Variants in SLIT3 observed in about 807,000 individuals in gnomAD.
SLIT3 encodes slit guidance ligand 3, also known as slit homolog 3 protein.
A neutral mutation model predicts 184.0 loss-of-function variants in SLIT3; 68 were observed. The ratio of observed to expected loss-of-function variants is 0.37; its 90% confidence interval spans 0.30 to 0.45. The LOEUF (loss-of-function observed/expected upper bound fraction) is 0.45, where lower values mean the gene tolerates loss of function less well. Among genes scored for constraint, SLIT3 ranks in the 20% least tolerant of loss-of-function variants. SLIT3 has a pLI of 1.00. For missense variants in SLIT3, 1,707 were observed against 2,026.0 expected, an observed-to-expected ratio of 0.84 and a Z score of 3.02; for synonymous variants, 831 against 828.6, an observed-to-expected ratio of 1.00 and a Z score of -0.05.
chr5:169,268,504 TGA>T (rs1766479429), intron 1 of SLIT3, among the ~76,000 whole-genome samples: 1 of 152,196 alleles, frequency 6.6e-6, no homozygotes, highest in African/African-American at 2.4e-5. Flanking sequence ...CCAATTTGAA[TGA>T]GATATAAACT....
At chr5:169,096,271 G>A (rs930887838) in intron 4 of SLIT3, among the ~76,000 whole-genome samples, 3 of 152,176 alleles carry the variant, frequency 2.0e-5, no homozygotes, top group African/African-American at 7.2e-5. Flanking sequence ...ATTGTTTCCA[G>A]CTATTTGAGA....
At chr5:169,212,134 C>G (rs911136609) in intron 3 of SLIT3, among the ~76,000 whole-genome samples, 1 of 152,164 alleles carries the variant, frequency 6.6e-6, no homozygotes, top group Non-Finnish European at 1.5e-5. Context: ...TGGGTATATA[C>G]CCAGTAATGG....
chr5:169,158,810 CAGAAAA>C (rs1762386892), intron 4 of SLIT3, among the ~76,000 whole-genome samples: 1 of 151,992 alleles, frequency 6.6e-6, no homozygotes, highest in South Asian at 2.1e-4. Flanking sequence ...AAATGCTATA[CAGAAAA>C]AGAATCAAAA....
intron 20 of SLIT3, among the ~76,000 whole-genome samples, chr5:168,735,244 T>C (rs1346860160): frequency 6.6e-6 from 1 of 152,208 alleles, no homozygotes; most frequent in African/African-American, 2.4e-5. Context: ...CACAGATCTC[T>C]GTGAATGGGT....
intron 6 of SLIT3, among the ~76,000 whole-genome samples, chr5:168,834,286 G>C (rs1757971297): frequency 6.6e-6 from 1 of 152,092 alleles, no homozygotes. Flanking sequence ...ATCAGGGAAC[G>C]AATTTACACT....
At chr5:168,952,262 T>C (rs1034557034) in intron 4 of SLIT3, among the ~76,000 whole-genome samples, 7 of 152,114 alleles carry the variant, frequency 4.6e-5, no homozygotes, top group African/African-American at 1.4e-4. Flanking sequence ...TGGGCATAAA[T>C]ATATGCAAAG....
intron 4 of SLIT3, among the ~76,000 whole-genome samples, chr5:168,979,096 C>G (rs1184775094): frequency 1.3e-5 from 2 of 152,198 alleles, no homozygotes; most frequent in African/African-American, 2.4e-5. Flanking sequence ...AGGAGACTAT[C>G]CTTCAACCTC....
At chr5:169,292,232 C>A (rs75180766) in intron 1 of SLIT3, among the ~76,000 whole-genome samples, 1 of 152,238 alleles carries the variant, frequency 6.6e-6, no homozygotes, top group Non-Finnish European at 1.5e-5. Flanking sequence ...ATCCCTCAGG[C>A]TGAACTTTTT....
chr5:169,132,820 G>T (rs1168453756), intron 4 of SLIT3, among the ~76,000 whole-genome samples: 1 of 152,002 alleles, frequency 6.6e-6, no homozygotes, highest in Non-Finnish European at 1.5e-5. Context: ...AATCCCTCTG[G>T]ACATTTATTT....
chr5:168,818,356 A>G (rs1314729056), intron 7 of SLIT3, among the ~76,000 whole-genome samples: 1 of 152,198 alleles, frequency 6.6e-6, no homozygotes, highest in Non-Finnish European at 1.5e-5. Context: ...GGGGAATCCC[A>G]TCAAGTTAAG....
chr5:168,772,570 T>TTG (rs538634517), intron 14 of SLIT3: 19,921 of 493,664 alleles, frequency 0.04, 301 homozygotes, highest in African/African-American at 0.094. Context: ...CATGCTTTTA[T>TTG]TGTGTGTGTG....
intron 4 of SLIT3, among the ~76,000 whole-genome samples, chr5:169,040,766 T>G (rs1351549363): frequency 6.6e-6 from 1 of 152,210 alleles, no homozygotes; most frequent in Non-Finnish European, 1.5e-5. Context: ...CAATTATCCC[T>G]TTTCGAAAGG....
At chr5:169,079,746 GAGAA>G (rs1373796131) in intron 4 of SLIT3, among the ~76,000 whole-genome samples, 1 of 115,696 alleles carries the variant, frequency 8.6e-6, no homozygotes, top group African/African-American at 3.4e-5. Context: ...AAGAGGAGGA[GAGAA>G]GAGGAGGAAG....
chr5:168,878,329 T>C (rs1391070196), intron 5 of SLIT3, among the ~76,000 whole-genome samples: 1 of 152,196 alleles, frequency 6.6e-6, no homozygotes, highest in Admixed American at 6.5e-5. Context: ...TTCTGCTGTC[T>C]GGAGGGGCAG....
chr5:169,078,582 C>T (rs1230553612), intron 4 of SLIT3, among the ~76,000 whole-genome samples: 3 of 152,144 alleles, frequency 2.0e-5, no homozygotes, highest in African/African-American at 7.2e-5. Context: ...TTGTTACTCT[C>T]CAGCTTCTCC....
chr5:168,910,745 C>CAA (rs11308973), intron 4 of SLIT3, among the ~76,000 whole-genome samples: 1 of 112,014 alleles, frequency 8.9e-6, no homozygotes, highest in African/African-American at 3.6e-5. Context: ...GACTCTGTCT[C>CAA]AAAAAAAAAA....
chr5:169,133,994 A>G (rs899040702), intron 4 of SLIT3, among the ~76,000 whole-genome samples: 4 of 152,218 alleles, frequency 2.6e-5, no homozygotes, highest in African/African-American at 9.6e-5. Flanking sequence ...TACATGTAGC[A>G]GCCTGTTTTA....
At chr5:168,822,376 G>A (rs1757561135) in intron 7 of SLIT3, among the ~76,000 whole-genome samples, 1 of 152,166 alleles carries the variant, frequency 6.6e-6, no homozygotes, top group Non-Finnish European at 1.5e-5. Flanking sequence ...CTAATAAAGG[G>A]GACTGCAGGA....
chr5:169,106,836 C>G (rs1265313408), intron 4 of SLIT3, among the ~76,000 whole-genome samples: 1 of 152,202 alleles, frequency 6.6e-6, no homozygotes, highest in Non-Finnish European at 1.5e-5. Context: ...AAGCAAAAGT[C>G]CTTCAGTTTT....
Sources: gnomAD v4.1 joint callset for allele counts (sites outside exome capture counted in the v4.1 genomes callset) on GRCh38, gnomAD v4.1.1 for gene constraint, MANE v1.5 for transcripts, NCBI Gene and HGNC (gene_info 2026-07-23, HGNC 2026-07-21) for gene names.